The following SNTG2 variants were observed in gnomAD, a reference collection of about 807,000 sequenced individuals.
The protein encoded by SNTG2 is syntrophin gamma 2, also known as gamma-2-syntrophin.
Under a neutral mutation model 70.9 loss-of-function variants are expected in SNTG2, and 74 were observed. The observed-to-expected ratio is 1.04, with a 90% CI of 0.86 to 1.27. The LOEUF (loss-of-function observed/expected upper bound fraction) is 1.27, where lower values mean the gene tolerates loss of function less well. Ranked by LOEUF, SNTG2 falls within the 50% of genes most tolerant of loss-of-function variation. The pLI, the probability that SNTG2 is intolerant of heterozygous loss-of-function variation, is 0.00. For synonymous variants in SNTG2, 278 were observed against 273.8 expected, an observed-to-expected ratio of 1.02 and a Z score of -0.15; for missense variants, 717 against 690.7, an observed-to-expected ratio of 1.04 and a Z score of -0.43.
chr2:1,138,458 G>A (rs895250950), intron 6 of SNTG2, among the ~76,000 whole-genome samples: 1 of 152,184 alleles, frequency 6.6e-6, no homozygotes, highest in Admixed American at 6.5e-5. Flanking sequence ...CTCACCATAG[G>A]GCTGATGCCA....
chr2:1,300,540 T>C (rs1009138324), intron 14 of SNTG2, among the ~76,000 whole-genome samples: 2 of 152,132 alleles, frequency 1.3e-5, no homozygotes, highest in Non-Finnish European at 2.9e-5. Context: ...GGCCCCTGCT[T>C]GTAAGGTGGC....
intron 9 of SNTG2, among the ~76,000 whole-genome samples, chr2:1,235,149 C>A (rs1676529104): frequency 6.6e-6 from 1 of 151,472 alleles, no homozygotes; most frequent in Non-Finnish European, 1.5e-5. Flanking sequence ...CCACCAGGCA[C>A]CCCCGATTCA....
chr2:1,195,024 A>T (rs1263105915), intron 8 of SNTG2, among the ~76,000 whole-genome samples: 1 of 152,142 alleles, frequency 6.6e-6, no homozygotes, highest in Non-Finnish European at 1.5e-5. Flanking sequence ...GATGGTTTCC[A>T]GCATCATCCA....
intron 4 of SNTG2, among the ~76,000 whole-genome samples, chr2:1,124,608 A>C (rs963400993): frequency 2.6e-4 from 39 of 152,196 alleles, no homozygotes; most frequent in African/African-American, 9.1e-4. Flanking sequence ...CTCAGTCTTA[A>C]AGAAGGAGGA....
chr2:1,229,286 A>T (rs1266916298), intron 9 of SNTG2, among the ~76,000 whole-genome samples: 1 of 144,122 alleles, frequency 6.9e-6, no homozygotes, highest in Non-Finnish European at 1.5e-5. Flanking sequence ...GCTAGATACA[A>T]AGGTTCTCCA....
At chr2:1,364,858 G>A (rs13412533) in intron 16 of SNTG2, among the ~76,000 whole-genome samples, 109,104 of 151,348 alleles carry the variant, frequency 0.72, 39,597 homozygotes, top group East Asian at 0.94. Context: ...TGCAGTGAGT[G>A]GAGGTTGTGC....
At chr2:1,133,746 C>G (rs1189641659) in intron 4 of SNTG2, among the ~76,000 whole-genome samples, 1 of 152,172 alleles carries the variant, frequency 6.6e-6, no homozygotes, top group African/African-American at 2.4e-5. Flanking sequence ...AAACACATTT[C>G]ACAGATTTAG....
At chr2:965,716 G>A (rs1190220209) in intron 1 of SNTG2, among the ~76,000 whole-genome samples, 2 of 151,998 alleles carry the variant, frequency 1.3e-5, no homozygotes, top group Non-Finnish European at 2.9e-5. Context: ...TGGATGGGGT[G>A]GGGGGTTTCC....
At chr2:1,327,663 G>A (rs1381071168) in intron 16 of SNTG2, among the ~76,000 whole-genome samples, 4 of 152,032 alleles carry the variant, frequency 2.6e-5, no homozygotes, top group Non-Finnish European at 5.9e-5. Context: ...TGTTATGCAG[G>A]TATCGTAAAA....
At chr2:1,225,669 G>C (rs986847527) in intron 9 of SNTG2, among the ~76,000 whole-genome samples, 1 of 152,178 alleles carries the variant, frequency 6.6e-6, no homozygotes, top group Non-Finnish European at 1.5e-5. Flanking sequence ...TCCCAGTGTG[G>C]GACAAAGCTC....
chr2:1,079,157 C>T (rs1345001819), intron 1 of SNTG2, among the ~76,000 whole-genome samples: 2 of 152,318 alleles, frequency 1.3e-5, no homozygotes, highest in Middle Eastern at 3.4e-3. Flanking sequence ...GCGGAACCCG[C>T]GTCCCCTCTC....
At chr2:1,124,452 G>A (rs1005037648) in intron 4 of SNTG2, among the ~76,000 whole-genome samples, 9 of 151,918 alleles carry the variant, frequency 5.9e-5, no homozygotes, top group East Asian at 1.9e-4. Flanking sequence ...TCGCCACCAC[G>A]CCCGGCTAAT....
intron 12 of SNTG2, among the ~76,000 whole-genome samples, chr2:1,255,918 A>AAATATATAT (rs1491053679): frequency 1.1e-4 from 8 of 71,248 alleles, no homozygotes; most frequent in Middle Eastern, 7.8e-3. Context: ...ATATATATAT[A>AAATATATAT]AATATATAAA....
intron 1 of SNTG2, among the ~76,000 whole-genome samples, chr2:997,802 G>T (rs1187398051): frequency 6.6e-6 from 1 of 152,164 alleles, no homozygotes; most frequent in East Asian, 1.9e-4. Flanking sequence ...GGTAAACAAA[G>T]ATTAAACATA....
chr2:1,367,289 TAACGTG>T lies in SNTG2; in HGVS notation c.1489-53_1489-48del. 2.7e-6 allele frequency: 4 copies of T among 1,471,620 alleles called. No homozygotes were observed. In the South Asian group the frequency reaches 5.5e-5, roughly 20 times the overall value. 91.2% of individuals were successfully genotyped at this position (1,471,620 alleles called of 1,614,324 possible). A position where few individuals can be genotyped will look rare whatever the true frequency, so the allele number is the denominator to read the frequency against. On this transcript the variant is annotated intron_variant, in intron 16 of 16. Transcript: ENST00000308624. The stretch of plus-strand genomic sequence containing the variant: ...GTCCAAACTTTGTTAAATATTTTTG[TAACGTG>T]TTCTTCCAACAATTATAATAAACAC...
chr2:1,069,380 A>G (rs1218324003), intron 1 of SNTG2, among the ~76,000 whole-genome samples: 1 of 152,088 alleles, frequency 6.6e-6, no homozygotes, highest in East Asian at 1.9e-4. Flanking sequence ...TACATTCTGA[A>G]AGTAGTCCAA....
At chr2:1,079,756 CG>C (rs1664160659) in intron 1 of SNTG2, among the ~76,000 whole-genome samples, 1 of 152,134 alleles carries the variant, frequency 6.6e-6, no homozygotes, top group South Asian at 2.1e-4. Flanking sequence ...GACAATTAAC[CG>C]GTAGCAATGG....
At chr2:1,040,037 C>T (rs767713486) in intron 1 of SNTG2, among the ~76,000 whole-genome samples, 2 of 152,160 alleles carry the variant, frequency 1.3e-5, no homozygotes, top group Non-Finnish European at 2.9e-5. Context: ...ATTCTTATCC[C>T]AGATCTGCTT....
chr2:1,217,699 G>A (rs933277637), intron 9 of SNTG2, among the ~76,000 whole-genome samples: 139 of 152,194 alleles, frequency 9.1e-4, no homozygotes, highest in African/African-American at 2.5e-3. Context: ...AGAAATGTAT[G>A]TACATTTCTG....
Sources: allele counts gnomAD v4.1 joint callset (sites outside exome capture counted in the v4.1 genomes callset), GRCh38; gene constraint gnomAD v4.1.1; transcripts MANE v1.5; gene names NCBI Gene and HGNC (gene_info 2026-07-23, HGNC 2026-07-21).